The following RPIA variants were observed in gnomAD, a reference collection of about 807,000 sequenced individuals.
RPIA encodes ribose-5-phosphate isomerase.
RPIA carries 29 observed loss-of-function variants against 37.8 expected under a neutral mutation model. The observed-to-expected ratio is 0.77, with a 90% CI of 0.57 to 1.05. The LOEUF is 1.05. Ranked by LOEUF, RPIA falls within the 50% of genes least tolerant of loss-of-function variation. The pLI is 0.00. For synonymous variants in RPIA, 167 were observed against 157.0 expected (o/e 1.06, Z -0.48); for missense variants, 385 against 413.6 (o/e 0.93, Z 0.60).
intron 3 of RPIA, among the ~76,000 whole-genome samples, chr2:88,725,410 T>G (rs1301220963): frequency 1.3e-5 from 2 of 151,956 alleles, no homozygotes; most frequent in Non-Finnish European, 2.9e-5. Flanking sequence ...ATGAAGGTGT[T>G]GGCAGAATTG....
At chr2:88,741,049 G>A (rs1558700506) in intron 8 of RPIA, among the ~76,000 whole-genome samples, 1 of 151,422 alleles carries the variant, frequency 6.6e-6, no homozygotes, top group Non-Finnish European at 1.5e-5. Flanking sequence ...GTCTTTGGGA[G>A]TTTTTTTTTA....
chr2:88,704,335 C>G lies in RPIA; in HGVS notation c.402+4271C>G, dbSNP rs567222811. ...TACAAAAGAAAGAGGTTTAATTGGA[C>G]TTGCAGTTCCACGTGGCTGGGGAAG... On this transcript the variant is annotated intron_variant, in intron 3 of 8. Transcript: ENST00000283646. Among the ~76,000 whole-genome samples, 3 of 152,324 alleles carry G rather than the reference C, an allele frequency of 2.0e-5. No individual in the cohort carries two copies. In the South Asian group the frequency reaches 6.2e-4, roughly 32 times the overall value.
Position 88,691,868 on chromosome 2 carries a change from A to G in RPIA, c.170A>G (p.Asn57Ser). Reference sequence around the variant, plus strand: ...TCTGGGACCCGTGGCGGTGCTGGCAACACAAGCACCAGCTGCGGGGACTCC... The same window carrying G: ...TCTGGGACCCGTGGCGGTGCTGGCAGCACAAGCACCAGCTGCGGGGACTCC... ...AQSGTRGGAG[N>S]TSTSCGDSNS... is the part of the protein sequence containing the mutation. Residue 57 changes from asparagine (N) to serine (S), a missense_variant, in exon 1 of 9, where the codon AAC (asparagine) becomes AGC (serine). Asn to Ser is a conservative substitution (Grantham distance 46, BLOSUM62 1). Transcript: ENST00000283646. 6.3e-7 allele frequency: 1 copy of G among 1,595,700 alleles called. No individual in the cohort carries two copies.
At chr2:88,736,478 T>C in intron 6 of RPIA, 57 bp from the exon 7 acceptor site, 1 of 1,602,136 alleles carries the variant, frequency 6.2e-7, no homozygotes, top group Admixed American at 1.7e-5. Context: ...ATTTGGTGTT[T>C]GCCTGTACTG....
At chr2:88,701,595 C>T (rs1231298935) in intron 3 of RPIA, among the ~76,000 whole-genome samples, 1 of 152 alleles carries the variant, frequency 6.6e-3, no homozygotes, top group East Asian at 0.5. Context: ...CATGGACATA[C>T]TTTTAGCTCT....
intron 1 of RPIA, among the ~76,000 whole-genome samples, chr2:88,696,256 G>A (rs543404520): frequency 6.6e-6 from 1 of 152,336 alleles, no homozygotes; most frequent in African/African-American, 2.4e-5. Flanking sequence ...ACTTCCTGAA[G>A]TTGCTTATTC....
chr2:88,709,826 A>G (rs1672940673), intron 3 of RPIA, among the ~76,000 whole-genome samples: 1 of 152,220 alleles, frequency 6.6e-6, no homozygotes. Context: ...TCAACAAAAT[A>G]CTTTTTCTCT....
At chr2:88,733,808 C>T (rs771765029) in intron 4 of RPIA, among the ~76,000 whole-genome samples, 6 of 152,212 alleles carry the variant, frequency 3.9e-5, no homozygotes, top group Admixed American at 6.5e-5. Context: ...AATGTCCATG[C>T]AGAGTACCAT....
intron 3 of RPIA, among the ~76,000 whole-genome samples, chr2:88,714,358 G>C (rs1400121532): frequency 6.6e-6 from 1 of 152,092 alleles, no homozygotes; most frequent in Admixed American, 6.5e-5. Context: ...TTCTAGTAGA[G>C]ACAGTGTTTC....
chr2:88,703,633 A>G (rs1672862022), intron 3 of RPIA, among the ~76,000 whole-genome samples: 1 of 152,096 alleles, frequency 6.6e-6, no homozygotes. Context: ...CCACAAAACC[A>G]CTTTTTTCTC....
At chr2:88,739,337 C>T (rs532639643) in intron 8 of RPIA, among the ~76,000 whole-genome samples, 1 of 152,254 alleles carries the variant, frequency 6.6e-6, no homozygotes, top group South Asian at 2.1e-4. Context: ...TACCTTTTAG[C>T]AGTTAGTTAA....
At chr2:88,707,548 T>C (rs1217124221) in intron 3 of RPIA, among the ~76,000 whole-genome samples, 1 of 152,174 alleles carries the variant, frequency 6.6e-6, no homozygotes, top group African/African-American at 2.4e-5. Context: ...CAGTTTAGTT[T>C]GAGTACACTG....
chr2:88,704,176 C>T (rs1672870652), intron 3 of RPIA, among the ~76,000 whole-genome samples: 1 of 152,238 alleles, frequency 6.6e-6, no homozygotes, highest in Non-Finnish European at 1.5e-5. Context: ...CCAACCTCTG[C>T]CTGTTACCCA....
chr2:88,716,379 C>T (rs1673037111), intron 3 of RPIA, among the ~76,000 whole-genome samples: 1 of 152,182 alleles, frequency 6.6e-6, no homozygotes, highest in Non-Finnish European at 1.5e-5. Context: ...ATATCAGGAC[C>T]TCCTGAGTCT....
intron 1 of RPIA, among the ~76,000 whole-genome samples, chr2:88,697,497 G>A (rs901878299): frequency 3.3e-5 from 5 of 152,208 alleles, no homozygotes; most frequent in Non-Finnish European, 7.3e-5. Context: ...CCCTGGCCTC[G>A]TTTTGCTCTT....
At chr2:88,729,559 A>G (rs1418431080) in intron 4 of RPIA, among the ~76,000 whole-genome samples, 1 of 152,170 alleles carries the variant, frequency 6.6e-6, no homozygotes, top group Non-Finnish European at 1.5e-5. Flanking sequence ...GCAAGGGCTC[A>G]GTGTGAATGT....
chr2:88,721,544 T>TC (rs1673128211), intron 3 of RPIA, among the ~76,000 whole-genome samples: 1 of 82,932 alleles, frequency 1.2e-5, no homozygotes, highest in African/African-American at 4.8e-5. Flanking sequence ...ATATATATTA[T>TC]ACACACACAC....
intron 3 of RPIA, among the ~76,000 whole-genome samples, chr2:88,712,176 G>A (rs1396701569): frequency 6.6e-6 from 1 of 152,134 alleles, no homozygotes; most frequent in Non-Finnish European, 1.5e-5. Flanking sequence ...TTTTGTTTTT[G>A]GTTTACAATG....
intron 3 of RPIA, among the ~76,000 whole-genome samples, chr2:88,713,185 G>A (rs1330560765): frequency 1.5e-5 from 1 of 67,916 alleles, no homozygotes; most frequent in Non-Finnish European, 2.6e-5. Flanking sequence ...TTTTGAGACA[G>A]TGTCTTCTCA....
Sources: gnomAD v4.1 joint callset for allele counts (sites outside exome capture counted in the v4.1 genomes callset) on GRCh38, gnomAD v4.1.1 for gene constraint, MANE v1.5 for transcripts, NCBI Gene and HGNC (gene_info 2026-07-23, HGNC 2026-07-21) for gene names.